PPHLN1: variants seen among roughly 807,000 people sequenced by gnomAD.
PPHLN1 encodes periphilin 1.
In PPHLN1, 29 loss-of-function variants were observed where a neutral mutation model predicts 51.3. The observed-to-expected ratio is 0.57, with a 90% CI of 0.42 to 0.77. The LOEUF (loss-of-function observed/expected upper bound fraction) is 0.77. Among genes scored for constraint, PPHLN1 ranks in the 30% least tolerant of loss-of-function variants. The pLI is 0.00. For synonymous variants in PPHLN1, 147 were observed against 147.8 expected, an observed-to-expected ratio of 0.99 and a Z score of 0.04; for missense variants, 436 against 438.4, an observed-to-expected ratio of 0.99 and a Z score of 0.05.
chr12:42,380,063 C>A (rs1038165603), intron 5 of PPHLN1, among the ~76,000 whole-genome samples: 1 of 151,944 alleles, frequency 6.6e-6, no homozygotes, highest in Admixed American at 6.5e-5. Context: ...TCTTGAAACT[C>A]TTAAGTTATA....
chr12:42,396,359 T>G (rs1293981009), intron 8 of PPHLN1, among the ~76,000 whole-genome samples: 1 of 152,076 alleles, frequency 6.6e-6, no homozygotes, highest in African/African-American at 2.4e-5. Flanking sequence ...AAATATGCAT[T>G]GTATATCCAC....
At chr12:42,359,867 G>A (rs1228309553) in intron 4 of PPHLN1, among the ~76,000 whole-genome samples, 5 of 152,026 alleles carry the variant, frequency 3.3e-5, no homozygotes. Context: ...CAACATTTTG[G>A]GAGGCTGAGA....
At chr12:42,339,048 T>C (rs1468189646) in intron 2 of PPHLN1, among the ~76,000 whole-genome samples, 1 of 152,254 alleles carries the variant, frequency 6.6e-6, no homozygotes, top group Non-Finnish European at 1.5e-5. Flanking sequence ...TTATCCCTCA[T>C]AAAATAATTT....
intron 9 of PPHLN1, among the ~76,000 whole-genome samples, chr12:42,428,142 C>T (rs2081662816): frequency 6.6e-6 from 1 of 152,164 alleles, no homozygotes; most frequent in African/African-American, 2.4e-5. Flanking sequence ...GAAGAGGGAA[C>T]ACTTCTACAC....
intron 2 of PPHLN1, among the ~76,000 whole-genome samples, chr12:42,349,634 A>G (rs1443351295): frequency 6.6e-6 from 1 of 152,190 alleles, no homozygotes; most frequent in African/African-American, 2.4e-5. Flanking sequence ...GCCTTCAGGC[A>G]TCTGTTTAAC....
downstream of PPHLN1, chr12:42,446,129 A>T (rs2083307232): frequency 1.3e-6 from 2 of 1,573,902 alleles, no homozygotes; most frequent in African/African-American, 2.7e-5. Context: ...TCGTCGGACG[A>T]CACAGCTTCG....
downstream of PPHLN1, chr12:42,447,286 C>A (rs2083363832): frequency 6.6e-6 from 1 of 152,168 alleles, no homozygotes; most frequent in East Asian, 1.9e-4. Flanking sequence ...ATGATTGTAA[C>A]ATGTCCATGA....
At chr12:42,442,796 G>C (rs377363815), downstream of PPHLN1, 6 of 1,610,160 alleles carry the variant, frequency 3.7e-6, no homozygotes, top group South Asian at 3.3e-5. Flanking sequence ...TCTCAAGCTA[G>C]GGTTTCATCA....
chr12:42,389,552 T>G (rs2077504730), intron 7 of PPHLN1, among the ~76,000 whole-genome samples: 1 of 152,164 alleles, frequency 6.6e-6, no homozygotes, highest in Non-Finnish European at 1.5e-5. Context: ...AGAGCGAGAC[T>G]CTGTCTCAAA....
chr12:42,410,286 G>T (rs1349399662), intron 9 of PPHLN1, among the ~76,000 whole-genome samples: 1 of 151,940 alleles, frequency 6.6e-6, no homozygotes, highest in Admixed American at 6.6e-5. Flanking sequence ...CTTGAATCTG[G>T]CATTAAGGGA....
chr12:42,343,052 C>A (rs956963105), intron 2 of PPHLN1, among the ~76,000 whole-genome samples: 1 of 152,166 alleles, frequency 6.6e-6, no homozygotes, highest in African/African-American at 2.4e-5. Context: ...ATCAGTTCCA[C>A]CTGTTCTCAA....
intron 2 of PPHLN1, among the ~76,000 whole-genome samples, chr12:42,341,972 C>G (rs1018840691): frequency 6.6e-6 from 1 of 152,092 alleles, no homozygotes; most frequent in Non-Finnish European, 1.5e-5. Context: ...AAGGGGCTTT[C>G]ACAGAAATTT....
chr12:42,346,452 A>G lies in PPHLN1; in HGVS notation c.73-5433A>G, dbSNP rs144213908. Reference sequence around the variant, plus strand: ...TAAGGATGAATAATATTCCACTAATATATTTATATACCAGATTTTCTTGAT... The same window carrying G: ...TAAGGATGAATAATATTCCACTAATGTATTTATATACCAGATTTTCTTGAT... On this transcript the variant is annotated intron_variant, in intron 2 of 9. Transcript: ENST00000358314. 6.5e-3 allele frequency among the ~76,000 whole-genome samples: 994 copies of G among 152,240 alleles called. 12 individuals are homozygous for G. The highest frequency in any genetic ancestry group is 0.023 in the African/African-American group (951 of 41,534).
intron 1 of PPHLN1, among the ~76,000 whole-genome samples, chr12:42,329,084 TG>T (rs934365674): frequency 6.7e-6 from 1 of 150,206 alleles, no homozygotes; most frequent in Non-Finnish European, 1.5e-5. Flanking sequence ...TTTAGTTGTC[TG>T]GAATTTCAAT....
intron 9 of PPHLN1, among the ~76,000 whole-genome samples, chr12:42,416,874 A>G (rs1456333685): frequency 6.6e-6 from 1 of 152,220 alleles, no homozygotes; most frequent in Non-Finnish European, 1.5e-5. Context: ...ATAGATAGCA[A>G]TGCAGTATCA....
chr12:42,389,487 GA>G (rs1172163098), intron 7 of PPHLN1, among the ~76,000 whole-genome samples: 2 of 152,176 alleles, frequency 1.3e-5, no homozygotes, highest in African/African-American at 2.4e-5. Context: ...TTGAATCCGG[GA>G]GGCGGGTGTT....
intron 2 of PPHLN1, chr12:42,350,151 G>T (rs1383479292): frequency 2.0e-5 from 3 of 149,732 alleles, no homozygotes; most frequent in Non-Finnish European, 4.4e-5. Context: ...CCGGGCGGGG[G>T]CGCCCCTCAC....
intron 7 of PPHLN1, among the ~76,000 whole-genome samples, chr12:42,392,072 C>T (rs1045032523): frequency 7.9e-5 from 12 of 152,002 alleles, no homozygotes; most frequent in African/African-American, 2.7e-4. Context: ...CAAAAATTAC[C>T]CGGTTATGGT....
intron 7 of PPHLN1, among the ~76,000 whole-genome samples, chr12:42,391,565 A>G (rs1477660946): frequency 1.3e-5 from 2 of 152,026 alleles, no homozygotes; most frequent in East Asian, 3.9e-4. Context: ...TGCTAGAGAG[A>G]AGTCATATAA....
Sources: allele counts gnomAD v4.1 joint callset (sites outside exome capture counted in the v4.1 genomes callset), GRCh38; gene constraint gnomAD v4.1.1; transcripts MANE v1.5; gene names NCBI Gene and HGNC (gene_info 2026-07-23, HGNC 2026-07-21).